The following ATP2A2 variants were observed in gnomAD, a reference collection of about 807,000 sequenced individuals.
The protein encoded by ATP2A2 is ATPase sarcoplasmic/endoplasmic reticulum Ca2+ transporting 2, also known as sarcoplasmic/endoplasmic reticulum calcium ATPase 2.
In ATP2A2, 14 loss-of-function variants were observed where a neutral mutation model predicts 109.3. That is an observed-to-expected ratio of 0.13 (90% CI 0.08 to 0.20). ATP2A2 has a LOEUF of 0.20. Among genes scored for constraint, ATP2A2 ranks in the 10% least tolerant of loss-of-function variants. The pLI is 1.00. For synonymous variants in ATP2A2, 506 were observed against 490.9 expected, an observed-to-expected ratio of 1.03 and a Z score of -0.41; for missense variants, 657 against 1,321.6, an observed-to-expected ratio of 0.50 and a Z score of 7.80.
Position 110,347,213 on chromosome 12 carries a change from A to C in ATP2A2, c.*743A>C, listed in dbSNP as rs763779861. The C allele has an allele frequency of 3.5e-4, 420 of 1,193,144 alleles. No individual in the cohort carries two copies. Among genetic ancestry groups the C allele is most frequent in the Non-Finnish European group, 4.2e-4 (395 of 944,710 alleles). 73.9% of individuals were successfully genotyped at this position (1,193,144 alleles called of 1,614,324 possible). On this transcript the variant is annotated 3_prime_UTR_variant, in exon 20 of 20. Transcript: ENST00000539276. ...CATAGTTTTTAAGGTTATTTATTTA[A>C]ATGTCTAATGTATTTTATTGTAACA...
chr12:110,326,273 A>G (rs953254791), intron 6 of ATP2A2, 117 bp from the exon 7 acceptor site: 30 of 988,352 alleles, frequency 3.0e-5, no homozygotes, highest in African/African-American at 8.1e-5. Context: ...CCTTTTGCCA[A>G]CCTTTTCTCA....
Position 110,349,612 on chromosome 12 carries a change from G to T in ATP2A2, c.*3142G>T. 4.1e-6 allele frequency: 4 copies of T among 986,400 alleles called. No individual in the cohort carries two copies. Among genetic ancestry groups the T allele is most frequent in the Non-Finnish European group, 4.8e-6 (4 of 830,598 alleles). 61.1% of individuals were successfully genotyped at this position (986,400 alleles called of 1,614,324 possible). ...CACATCCCCTCGGACTGGAGCTTCAGCCCTGACTGAGGTGGGCAGACCTAA... is the reference window on the plus strand; with the variant it reads ...CACATCCCCTCGGACTGGAGCTTCATCCCTGACTGAGGTGGGCAGACCTAA... On this transcript the variant is annotated 3_prime_UTR_variant, in exon 20 of 20. Coordinates refer to ENST00000539276, the MANE Select transcript of ATP2A2 (RefSeq NM_170665.4).
At position 110,349,973 on chromosome 12, in the gene ATP2A2, C is replaced by A; in HGVS notation, c.*3503C>A. On this transcript the variant is annotated 3_prime_UTR_variant, in exon 20 of 20. Transcript: ENST00000539276. ...TCACCCTCTGCACCACTAACCAAGACCTTGTCCTCTTGCCTGTCTCGCTGC... is the reference window on the plus strand; with the variant it reads ...TCACCCTCTGCACCACTAACCAAGAACTTGTCCTCTTGCCTGTCTCGCTGC... 7.8e-7 allele frequency: 1 copy of A among 1,284,660 alleles called. No homozygotes were observed. Among genetic ancestry groups the A allele is most frequent in the Non-Finnish European group, 9.9e-7 (1 of 1,007,654 alleles). The allele number at this position is 1,284,660 out of a possible 1,614,324, so 79.6% of individuals were successfully genotyped here.
intron 6 of ATP2A2, 31 bp from the exon 7 acceptor site, chr12:110,326,359 A>G (rs914648136): frequency 6.3e-7 from 1 of 1,589,356 alleles, no homozygotes; most frequent in Non-Finnish European, 8.6e-7. Context: ...GGTCGCAGAG[A>G]TCTGTTTTTT....
In ATP2A2 at chr12:110,344,901, C is replaced by T; in HGVS notation, c.2537C>T (p.Ala846Val). ...YLAIGCYVGA[A>V]TVGAAAWWFI... ...TTGTTCCCAGGTTACGTCGGCGCTG[C>T]TACCGTGGGTGCTGCTGCATGGTGG... The change falls in exon 17 of 20, where the codon GCT becomes GTT. Residue 846 changes from alanine (A) to valine (V), a missense_variant. Physicochemically the swap from Ala to Val is moderately conservative, Grantham distance 64. Transcript: ENST00000539276. The T allele has an allele frequency of 6.2e-7, 1 of 1,614,226 alleles. No homozygotes were observed. Among genetic ancestry groups the T allele is most frequent in the Non-Finnish European group, 8.5e-7 (1 of 1,180,032 alleles).
intron 3 of ATP2A2, among the ~76,000 whole-genome samples, chr12:110,286,407 A>T (rs1872666503): frequency 6.6e-6 from 1 of 151,864 alleles, no homozygotes; most frequent in Admixed American, 6.6e-5. Flanking sequence ...AAATGGGATA[A>T]GAAGGGCAAA....
chr12:110,342,900 TG>T lies in ATP2A2; in HGVS notation c.2319-331del, dbSNP rs1351883742. ...ATTACAGGCATGCGCCACCACTCCC[TG>T]CCATTTTTTTGTGTTTTAGTAGAAA... is the stretch of plus-strand genomic sequence containing the variant. On this transcript the variant is annotated intron_variant, in intron 15 of 19. Transcript: ENST00000539276. This position sits in a 1 kb window ranked among gnomAD's most constrained non-coding sequence, Gnocchi z 4.6. 2.0e-5 allele frequency among the ~76,000 whole-genome samples: 3 copies of T among 152,060 alleles called. No homozygotes were observed. Among genetic ancestry groups the T allele is most frequent in the Non-Finnish European group, 4.4e-5 (3 of 68,006 alleles).
chr12:110,318,010 A>G (rs1210379552), intron 5 of ATP2A2, among the ~76,000 whole-genome samples: 5 of 152,200 alleles, frequency 3.3e-5, no homozygotes, highest in Admixed American at 3.3e-4. Flanking sequence ...TGGAAGAAAA[A>G]ATTGCAGAGC....
At chr12:110,326,105 A>AT (rs1245968345) in intron 6 of ATP2A2, 1 of 469,858 alleles carries the variant, frequency 2.1e-6, no homozygotes, top group Non-Finnish European at 3.9e-6. Flanking sequence ...AAATAAATTA[A>AT]TTTGAATAGT....
At chr12:110,332,396 G>T (rs1306829550) in intron 8 of ATP2A2, 7 of 599,000 alleles carry the variant, frequency 1.2e-5, no homozygotes, top group Non-Finnish European at 2.1e-5. Flanking sequence ...TGTGATGGGC[G>T]AAGCAGTCTA....
In ATP2A2 at chr12:110,281,734, G is replaced by A. The variant is rs1872106760; in HGVS notation, c.-56G>A. ...CACGAGCCCGCGGCCGGAGTGCGAG[G>A]CGGAGGCGAGGAGGCCGCGGGGACG... On this transcript the variant is annotated 5_prime_UTR_variant, in exon 1 of 20. Transcript: ENST00000539276. 2 of 1,313,668 alleles carry A rather than the reference G, an allele frequency of 1.5e-6. No individual in the cohort carries two copies. Among genetic ancestry groups the A allele is most frequent in the Non-Finnish European group, 2.0e-6 (2 of 987,428 alleles). 81.4% of individuals were successfully genotyped at this position (1,313,668 alleles called of 1,614,324 possible).
intron 5 of ATP2A2, among the ~76,000 whole-genome samples, chr12:110,307,197 T>C (rs1407369262): frequency 6.7e-6 from 1 of 149,520 alleles, no homozygotes; most frequent in African/African-American, 2.5e-5. Context: ...CAGCAGTGTA[T>C]AAGTGTTCCC....
intron 4 of ATP2A2, among the ~76,000 whole-genome samples, chr12:110,294,971 C>T (rs1873808604): frequency 6.6e-6 from 1 of 151,804 alleles, no homozygotes; most frequent in African/African-American, 2.4e-5. Context: ...AGGCGTGCAC[C>T]ACCACGCCTG....
intron 4 of ATP2A2, among the ~76,000 whole-genome samples, chr12:110,293,479 C>T (rs1157914025): frequency 6.6e-6 from 1 of 150,600 alleles, no homozygotes; most frequent in Admixed American, 6.7e-5. Flanking sequence ...ACTGCAACCT[C>T]CACTTCCCGG....
In ATP2A2 at chr12:110,334,144, G is replaced by GT. The variant is rs1484286265; in HGVS notation, c.1419+2dup. ...AGAACGTGCAAATGCCTGCAACTCA[G>GT]TGAGTATTTGAACCTGGTTTATTGT... On this transcript the variant is annotated splice_donor_variant, in intron 11 of 19. Coordinates refer to ENST00000539276, the MANE Select transcript of ATP2A2 (RefSeq NM_170665.4). LOFTEE classifies it high-confidence loss of function. 3 of 1,613,690 alleles carry GT rather than the reference G, an allele frequency of 1.9e-6. No homozygotes were observed. Among genetic ancestry groups the GT allele is most frequent in the African/African-American group, 2.7e-5 (2 of 74,934 alleles).
At chr12:110,289,313 T>G (rs889485736) in intron 3 of ATP2A2, among the ~76,000 whole-genome samples, 1 of 152,226 alleles carries the variant, frequency 6.6e-6, no homozygotes, top group Non-Finnish European at 1.5e-5. Flanking sequence ...GTTTCTGATA[T>G]GCTCTCCTTG....
At chr12:110,291,994 A>G (rs777966076) in intron 3 of ATP2A2, 26 bp from the exon 4 acceptor site, 2 of 1,594,128 alleles carry the variant, frequency 1.3e-6, no homozygotes, top group Non-Finnish European at 8.6e-7. Context: ...AAAAAGACAC[A>G]TTCTAACGTG....
At chr12:110,301,970 A>T (rs890793676) in intron 5 of ATP2A2, among the ~76,000 whole-genome samples, 1 of 152,098 alleles carries the variant, frequency 6.6e-6, no homozygotes, top group Non-Finnish European at 1.5e-5. Flanking sequence ...ACCCTGACCT[A>T]TCTCGCTTTC....
At chr12:110,303,584 T>C (rs1309989914) in intron 5 of ATP2A2, among the ~76,000 whole-genome samples, 2 of 152,096 alleles carry the variant, frequency 1.3e-5, no homozygotes, top group African/African-American at 4.8e-5. Context: ...CTAATTTTTG[T>C]ATTTTTTAGT....
Sources: gnomAD v4.1 joint callset for allele counts (sites outside exome capture counted in the v4.1 genomes callset) on GRCh38, gnomAD v4.1.1 for gene constraint, Gnocchi (gnomAD v3.1) non-coding constraint, MANE v1.5 for transcripts, NCBI Gene and HGNC (gene_info 2026-07-23, HGNC 2026-07-21) for gene names.